MYBBP1A: variants seen among roughly 807,000 people sequenced by gnomAD.
MYBBP1A encodes the protein myb-binding protein 1A.
In MYBBP1A, 147 loss-of-function variants were observed where a neutral mutation model predicts 136.3. The ratio of observed to expected loss-of-function variants is 1.08; its 90% CI spans 0.94 to 1.24. MYBBP1A has a LOEUF of 1.24. MYBBP1A is among the 50% of genes most tolerant of loss of function. The pLI, the probability that MYBBP1A is intolerant of heterozygous loss-of-function variation, is 0.00. For missense variants in MYBBP1A, 2,060 were observed against 1,727.4 expected (o/e 1.19, Z -3.41); for synonymous variants, 947 against 735.8 (o/e 1.29, Z -4.65).
At position 4,539,344 on chromosome 17, in the gene MYBBP1A, TAAAAAAAAAA is replaced by T; in HGVS notation, c.*61_*70del. The T allele has an allele frequency of 1.4e-6, 2 of 1,401,726 alleles. No homozygotes were observed. The highest frequency in any genetic ancestry group is 4.5e-4 in the Middle Eastern group (2 of 4,444). 86.8% of individuals were successfully genotyped at this position (1,401,726 alleles called of 1,614,324 possible). Reference sequence around the variant, plus strand: ...CAGCTTGCGTATTAAAATCATGGTTTAAAAAAAAAAAAAAAAAATAGGCGTCTCAGGCAGA... The same window carrying T: ...CAGCTTGCGTATTAAAATCATGGTTTAAAAAAAATAGGCGTCTCAGGCAGA... On this transcript the variant is annotated 3_prime_UTR_variant, in exon 26 of 26. Transcript: ENST00000254718.
intron 8 of MYBBP1A, among the ~76,000 whole-genome samples, chr17:4,550,801 C>T (rs983783489): frequency 3.3e-5 from 5 of 152,280 alleles, no homozygotes; most frequent in African/African-American, 1.2e-4. Context: ...AAACAACCAC[C>T]TCTCACGCGC....
Position 4,542,611 on chromosome 17 carries a change from C to G in MYBBP1A, c.3018+5G>C, listed in dbSNP as rs374495166. The G allele has an allele frequency of 1.3e-4, 214 of 1,613,850 alleles. No homozygotes were observed. The highest frequency in any genetic ancestry group is 1.8e-4 in the Non-Finnish European group (211 of 1,179,858). ...TGAGGAAGCAGGGCAGGCCCCAACA[C>G]TCACCGGGTGCCGGGAGAAGAGGCT... On this transcript the variant is annotated splice_donor_5th_base_variant and intron_variant, in intron 21 of 25. Coordinates refer to ENST00000254718, the MANE Select transcript of MYBBP1A (RefSeq NM_014520.4).
At chr17:4,540,300 G>A (rs757545167) in intron 25 of MYBBP1A, 48 bp downstream of exon 25, 5 of 1,556,690 alleles carry the variant, frequency 3.2e-6, no homozygotes, top group East Asian at 2.3e-5. Context: ...CAGCGTGAGG[G>A]TGTTCCCAGC....
rs557544483 is a variant in MYBBP1A at position 4,544,785 on chromosome 17, T to C, written c.2447A>G (p.Lys816Arg). 1.9e-6 allele frequency: 3 copies of C among 1,595,646 alleles called. No homozygotes were observed. Among genetic ancestry groups the C allele is most frequent in the East Asian group, 2.3e-5 (1 of 44,042 alleles). The change falls in exon 18 of 26, where the codon AAG (lysine) becomes AGG (arginine). Residue 816 changes from lysine (K) to arginine (R), a missense_variant. By Grantham distance (26) the Lys-to-Arg change is conservative. Coordinates refer to ENST00000254718, the MANE Select transcript of MYBBP1A (RefSeq NM_014520.4). ...GAAGTCGCGCCGCAGAGCCTTCTCCTTCTGCAGCTTGTTCTTCTCGTCTCG... is the reference window on the plus strand; with the variant it reads ...GAAGTCGCGCCGCAGAGCCTTCTCCCTCTGCAGCTTGTTCTTCTCGTCTCG... ...ARRDEKNKLQ[K>R]EKALRRDFQI...
chr17:4,543,595 C>T (rs924581409), intron 19 of MYBBP1A, among the ~76,000 whole-genome samples: 13 of 152,122 alleles, frequency 8.5e-5, no homozygotes, highest in Admixed American at 1.3e-4. Flanking sequence ...ACACTGTCCA[C>T]GCACGCTGGC....
intron 9 of MYBBP1A, among the ~76,000 whole-genome samples, chr17:4,549,778 ACT>A (rs1169899142): frequency 1.0e-5 from 1 of 97,502 alleles, no homozygotes; most frequent in Non-Finnish European, 1.9e-5. Context: ...AGAGAGTGAG[ACT>A]CTGTCAAAAA....
chr17:4,550,721 T>C (rs951512806), intron 8 of MYBBP1A, among the ~76,000 whole-genome samples: 4 of 152,236 alleles, frequency 2.6e-5, no homozygotes, highest in African/African-American at 7.2e-5. Flanking sequence ...GAGTGGTAGT[T>C]AGGAGGCGAG....
Position 4,539,040 on chromosome 17 carries a change from C to G in MYBBP1A, c.*375G>C. The stretch of plus-strand genomic sequence containing the variant: ...GAAATAAACCTATTTAAATCACCCC[C>G]TGGTGGCTCCCTCACAGCAAAAAAG... On this transcript the variant is annotated 3_prime_UTR_variant, in exon 26 of 26. Coordinates refer to ENST00000254718, the MANE Select transcript of MYBBP1A (RefSeq NM_014520.4). 1 of 953,530 alleles carries G rather than the reference C, an allele frequency of 1.0e-6. No individual in the cohort carries two copies. The highest frequency in any genetic ancestry group is 1.7e-6 in the Non-Finnish European group (1 of 578,834). 59.1% of individuals were successfully genotyped at this position (953,530 alleles called of 1,614,324 possible).
chr17:4,545,851 G>C lies in MYBBP1A; in HGVS notation c.1916C>G (p.Thr639Ser), dbSNP rs1190073765. ...GEKPRRSRTK[T>S]IDPQEPPWVE... ...TCTCGTGACCAAGGACCCACCGATGGTCTTGGTGCGGCTCCGGCGGGGCTT... is the reference window on the plus strand; with the variant it reads ...TCTCGTGACCAAGGACCCACCGATGCTCTTGGTGCGGCTCCGGCGGGGCTT... Residue 639 changes from threonine to serine, a missense_variant, in exon 14 of 26, where the codon ACC becomes AGC. Coordinates refer to ENST00000254718, the MANE Select transcript of MYBBP1A (RefSeq NM_014520.4). 6.2e-7 allele frequency: 1 copy of C among 1,613,192 alleles called. No individual in the cohort carries two copies. The highest frequency in any genetic ancestry group is 1.1e-5 in the South Asian group (1 of 90,978).
rs1240352931 is a variant in MYBBP1A at position 4,539,451 on chromosome 17, C to G, written c.3951G>C (p.Lys1317Asn). Residue 1317 changes from lysine to asparagine, a missense_variant, in exon 26 of 26, where the codon AAG becomes AAC. By Grantham distance (94) the Lys-to-Asn change is moderately conservative. Transcript: ENST00000254718. ...RSPSLLQSGA[K>N]KKAQVRKAGK... ...CTGCCTTCCTCACCTGTGCTTTCTTCTTGGCCCCACTCTGAAGCAGGCTGG... is the reference window on the plus strand; with the variant it reads ...CTGCCTTCCTCACCTGTGCTTTCTTGTTGGCCCCACTCTGAAGCAGGCTGG... 1 of 1,613,934 alleles carries G rather than the reference C, an allele frequency of 6.2e-7. No individual in the cohort carries two copies. The highest frequency in any genetic ancestry group is 8.5e-7 in the Non-Finnish European group (1 of 1,179,942).
At chr17:4,553,066 C>T (rs1431683209) in intron 5 of MYBBP1A, among the ~76,000 whole-genome samples, 5 of 152,210 alleles carry the variant, frequency 3.3e-5, no homozygotes, top group Non-Finnish European at 7.3e-5. Flanking sequence ...AAGTGATCTG[C>T]CCACCTCGGC....
chr17:4,545,817 T>A, intron 14 of MYBBP1A, 29 bp downstream of exon 14: 2 of 1,611,478 alleles, frequency 1.2e-6, no homozygotes, highest in Non-Finnish European at 1.7e-6. Flanking sequence ...ACCCCACCAC[T>A]CTAGTCCCTC....
rs1392357426 is a variant in MYBBP1A at position 4,539,494 on chromosome 17, G to C, written c.3908C>G (p.Ser1303Cys). The C allele has an allele frequency of 5.0e-6, 8 of 1,614,066 alleles. No individual in the cohort carries two copies. Among genetic ancestry groups the C allele is most frequent in the Non-Finnish European group, 6.8e-6 (8 of 1,180,038 alleles). Residue 1303 changes from serine to cysteine, a missense_variant, in exon 26 of 26, where the codon TCT becomes TGT. Coordinates refer to ENST00000254718, the MANE Select transcript of MYBBP1A (RefSeq NM_014520.4). ...SALARKKARLSLVIRSPSLLQ... is the reference protein window; with the variant it reads ...SALARKKARLCLVIRSPSLLQ... ...CAGGCTGGGACTCCTGATGACCAAA[G>C]ACAGCCTTGCCTTTTTCCGTGCCAG... is the stretch of plus-strand genomic sequence containing the variant.
Position 4,552,549 on chromosome 17 carries a change from T to C in MYBBP1A, c.639A>G (p.Glu213=), listed in dbSNP as rs1438467536. Reference sequence around the variant, plus strand: ...GGGCCAGGAGGAAGAGCTCTAGCTGTTCAGGGGAGCTGAGTATTATATTCA... The same window carrying C: ...GGGCCAGGAGGAAGAGCTCTAGCTGCTCAGGGGAGCTGAGTATTATATTCA... ...ADLNIILSSP[E]QLELFLLAQQ... Residue 213 remains glutamate, a synonymous_variant, in exon 6 of 26, where the codon GAA becomes GAG. Transcript: ENST00000254718. The surrounding 1 kb of genome is among the most constrained non-coding windows in gnomAD (Gnocchi z 4.7). The C allele has an allele frequency of 6.2e-7, 1 of 1,614,096 alleles. No homozygotes were observed. The highest frequency in any genetic ancestry group is 8.5e-7 in the Non-Finnish European group (1 of 1,180,024).
chr17:4,553,317 C>T (rs1344766189), intron 5 of MYBBP1A, among the ~76,000 whole-genome samples: 1 of 152,208 alleles, frequency 6.6e-6, no homozygotes, highest in African/African-American at 2.4e-5. Flanking sequence ...GCCTAGGGTG[C>T]TACCTTCCCA....
chr17:4,542,173 CCAGAG>C (rs1906495400), intron 22 of MYBBP1A: 1 of 586,396 alleles, frequency 1.7e-6, no homozygotes, highest in Admixed American at 3.1e-5. Flanking sequence ...AGCCCTGGCA[CCAGAG>C]CAGACACTAC....
At position 4,541,793 on chromosome 17, in the gene MYBBP1A, C is replaced by T; in HGVS notation, c.3186G>A (p.Lys1062=). ...WKQLMGQVLA[K]VTENLRVLGE... ...GCCCCCCGGCTGTTACCTCGGTGAC[C>T]TTTGCTAGGACCTGGCCCATCAGCT... The change falls in exon 23 of 26, where the codon AAG becomes AAA. Residue 1062 remains lysine, a synonymous_variant. Transcript: ENST00000254718. 6.2e-7 allele frequency: 1 copy of T among 1,614,068 alleles called. No homozygotes were observed. The highest frequency in any genetic ancestry group is 8.5e-7 in the Non-Finnish European group (1 of 1,179,988).
Position 4,550,359 on chromosome 17 carries a change from A to G in MYBBP1A, c.1024-6T>C. ...AACTTGAACTGCTTTGGGAGCTGCA[A>G]GAGTTAGGCATGGCGCTGAGCCCAC... On this transcript the variant is annotated splice_region_variant and splice_polypyrimidine_tract_variant and intron_variant, in intron 8 of 25. Coordinates refer to ENST00000254718, the MANE Select transcript of MYBBP1A (RefSeq NM_014520.4). 6.2e-7 allele frequency: 1 copy of G among 1,608,100 alleles called. No homozygotes were observed. Among genetic ancestry groups the G allele is most frequent in the Non-Finnish European group, 8.5e-7 (1 of 1,177,186 alleles).
intron 19 of MYBBP1A, 115 bp downstream of exon 19, chr17:4,544,374 C>G: frequency 7.2e-7 from 1 of 1,383,070 alleles, no homozygotes; most frequent in South Asian, 1.4e-5. Context: ...AGCTAGGGGC[C>G]CAGGCTGGAA....
Sources: allele counts gnomAD v4.1 joint callset (sites outside exome capture counted in the v4.1 genomes callset), GRCh38; gene constraint gnomAD v4.1.1; non-coding constraint Gnocchi (gnomAD v3.1); transcripts MANE v1.5; gene names NCBI Gene and HGNC (gene_info 2026-07-23, HGNC 2026-07-21).